HS6ST2: variants seen among roughly 807,000 people sequenced by gnomAD.
HS6ST2 encodes heparan-sulfate 6-O-sulfotransferase 2.
Under a neutral mutation model 33.0 loss-of-function variants are expected in HS6ST2, and 17 were observed. That is an observed-to-expected ratio of 0.52 (90% CI 0.35 to 0.77). The LOEUF (loss-of-function observed/expected upper bound fraction) is 0.77. Among genes scored for constraint, HS6ST2 ranks in the 30% least tolerant of loss-of-function variants. The pLI is 0.01. For missense variants in HS6ST2, 519 were observed against 551.7 expected, an observed-to-expected ratio of 0.94 and a Z score of 0.59; for synonymous variants, 248 against 237.1, an observed-to-expected ratio of 1.05 and a Z score of -0.42.
chrX:132,812,298 C>T (rs80045888), intron 2 of HS6ST2, among the ~76,000 whole-genome samples: 3 of 106,600 alleles, frequency 2.8e-5, no homozygotes, highest in South Asian at 4.2e-4. Flanking sequence ...CCAGCTACTC[C>T]GGAGGCTGAG....
intron 2 of HS6ST2, among the ~76,000 whole-genome samples, chrX:132,949,553 G>C (rs924919706): frequency 9.1e-6 from 1 of 110,117 alleles, no homozygotes; most frequent in Middle Eastern, 4.2e-3. Flanking sequence ...GGGTTTATTA[G>C]GGCTGAGGCT....
At chrX:132,913,603 G>T (rs755021743) in intron 2 of HS6ST2, among the ~76,000 whole-genome samples, 1 of 112,467 alleles carries the variant, frequency 8.9e-6, no homozygotes, top group African/African-American at 3.2e-5. Context: ...ACAGCCCCCT[G>T]GGCCAAGTGA....
chrX:132,669,418 G>C (rs925297373), intron 3 of HS6ST2: 42 of 286,740 alleles, frequency 1.5e-4, no homozygotes, highest in African/African-American at 1.2e-3. Context: ...CAAGTTCAAA[G>C]AAAGCTATCC....
At chrX:132,942,661 T>C (rs1229725832) in intron 2 of HS6ST2, among the ~76,000 whole-genome samples, 1 of 112,317 alleles carries the variant, frequency 8.9e-6, no homozygotes, top group Non-Finnish European at 1.9e-5. Flanking sequence ...TTTATTTCAC[T>C]GGCTCCTCTG....
chrX:132,705,579 T>C (rs1265346819), intron 3 of HS6ST2, among the ~76,000 whole-genome samples: 1 of 112,211 alleles, frequency 8.9e-6, no homozygotes, highest in Non-Finnish European at 1.9e-5. Context: ...CTGTTTACTA[T>C]GTGACAGGAA....
intron 2 of HS6ST2, among the ~76,000 whole-genome samples, chrX:132,868,396 T>G (rs191515712): frequency 8.9e-6 from 1 of 112,020 alleles, no homozygotes; most frequent in East Asian, 2.8e-4. Flanking sequence ...TCAAGGATAT[T>G]CAGGACTTGA....
At chrX:132,957,456 A>T in intron 1 of HS6ST2, 130 bp from the exon 2 acceptor site, 1 of 742,244 alleles carries the variant, frequency 1.3e-6, no homozygotes, top group Non-Finnish European at 1.9e-6. Context: ...CGAGTACTCC[A>T]CGGCGGCGGC....
intron 2 of HS6ST2, among the ~76,000 whole-genome samples, chrX:132,841,304 A>G (rs1321207009): frequency 1.8e-5 from 2 of 111,381 alleles, no homozygotes; most frequent in East Asian, 5.7e-4. Context: ...CATATTGCTT[A>G]GTTGCTGCAT....
Position 132,626,142 on chromosome X carries a change from T to A in HS6ST2, c.*2081A>T, listed in dbSNP as rs1317766538. On this transcript the variant is annotated 3_prime_UTR_variant, in exon 5 of 5. Transcript: ENST00000370833. Reference sequence around the variant, plus strand: ...GGATTTACATAATGGCAAAAATGTATATGTATATTTATAACATCCTCTATA... The same window carrying A: ...GGATTTACATAATGGCAAAAATGTAAATGTATATTTATAACATCCTCTATA... 1.2e-5 allele frequency: 1 copy of A among 86,592 alleles called. No individual in the cohort carries two copies. The highest frequency in any genetic ancestry group is 2.5e-5 in the Non-Finnish European group (1 of 40,361). 7.1% of individuals were successfully genotyped at this position (86,592 alleles called of 1,213,427 possible). A position where few individuals can be genotyped will look rare whatever the true frequency, so the allele number is the denominator to read the frequency against.
chrX:132,803,865 T>C (rs1274993561), intron 2 of HS6ST2, among the ~76,000 whole-genome samples: 1 of 111,742 alleles, frequency 8.9e-6, no homozygotes, highest in East Asian at 2.8e-4. Context: ...TGAAATAGTA[T>C]TTGTGAGCCC....
At chrX:132,868,437 A>G (rs1260059064) in intron 2 of HS6ST2, among the ~76,000 whole-genome samples, 4 of 112,292 alleles carry the variant, frequency 3.6e-5, no homozygotes, top group Non-Finnish European at 7.5e-5. Context: ...GACCTAACAG[A>G]CATCTACAGA....
chrX:132,819,826 T>C (rs1035652330), intron 2 of HS6ST2, among the ~76,000 whole-genome samples: 3 of 112,193 alleles, frequency 2.7e-5, no homozygotes, highest in African/African-American at 9.7e-5. Flanking sequence ...GCATATATGA[T>C]AGCATGAGTC....
chrX:132,703,783 A>C (rs1212924947), intron 3 of HS6ST2, among the ~76,000 whole-genome samples: 1 of 112,477 alleles, frequency 8.9e-6, no homozygotes, highest in Non-Finnish European at 1.9e-5. Context: ...AGATTTATGT[A>C]CATTCCTTTC....
intron 2 of HS6ST2, among the ~76,000 whole-genome samples, chrX:132,857,836 A>T (rs1227668971): frequency 1.8e-5 from 2 of 112,325 alleles, no homozygotes; most frequent in Non-Finnish European, 3.8e-5. Context: ...TTGTTGAAGG[A>T]AGGGAGGAAA....
rs770562261 is a variant in HS6ST2, at chrX:132,916,591, G to A, written c.947+40217C>T. 7.1e-5 allele frequency among the ~76,000 whole-genome samples: 8 copies of A among 112,094 alleles called. No homozygotes were observed. In the South Asian group the frequency reaches 2.6e-3, roughly 37 times the overall value. Reference sequence around the variant, plus strand: ...GAGCACTATCCAACTGGCTGCCAGCGTGGCTAGAACAAAGCAGGAAGAAGA... The same window carrying A: ...GAGCACTATCCAACTGGCTGCCAGCATGGCTAGAACAAAGCAGGAAGAAGA... On this transcript the variant is annotated intron_variant, in intron 2 of 4. Transcript: ENST00000370833.
intron 4 of HS6ST2, among the ~76,000 whole-genome samples, chrX:132,642,841 C>T (rs759358684): frequency 8.9e-6 from 1 of 112,396 alleles, no homozygotes; most frequent in East Asian, 2.8e-4. Flanking sequence ...AACTGACAAG[C>T]GTTCTATAAG....
chrX:132,928,236 C>T (rs956360515), intron 2 of HS6ST2, among the ~76,000 whole-genome samples: 1 of 109,421 alleles, frequency 9.1e-6, no homozygotes, highest in Middle Eastern at 4.7e-3. Flanking sequence ...CTCAGCCTCT[C>T]AAGTAGCTGG....
chrX:132,858,800 C>T (rs1368582606), intron 2 of HS6ST2, among the ~76,000 whole-genome samples: 3 of 112,223 alleles, frequency 2.7e-5, no homozygotes, highest in Admixed American at 1.9e-4. Flanking sequence ...TAGACAATAT[C>T]CCCTCCTGGG....
intron 2 of HS6ST2, among the ~76,000 whole-genome samples, chrX:132,838,674 G>C (rs1286362404): frequency 9.0e-6 from 1 of 110,825 alleles, no homozygotes; most frequent in Non-Finnish European, 1.9e-5. Context: ...AATCACACTT[G>C]ACTATAGAAA....
Sources: gnomAD v4.1 joint callset for allele counts (sites outside exome capture counted in the v4.1 genomes callset) on GRCh38, gnomAD v4.1.1 for gene constraint, MANE v1.5 for transcripts, NCBI Gene and HGNC (gene_info 2026-07-23, HGNC 2026-07-21) for gene names.